PAN3: variants seen among roughly 807,000 people sequenced by gnomAD.
PAN3 encodes the protein poly(A) specific ribonuclease subunit PAN3, also known as PAN2-PAN3 deadenylation complex subunit PAN3.
In PAN3, 19 loss-of-function variants were observed where a neutral mutation model predicts 96.2. The ratio of observed to expected loss-of-function variants is 0.20; its 90% CI spans 0.14 to 0.29. The LOEUF (loss-of-function observed/expected upper bound fraction) is 0.29. PAN3 is among the 10% of genes least tolerant of loss of function. The pLI is 1.00. For missense variants in PAN3, 882 were observed against 1,108.1 expected (o/e 0.80, Z 2.90); for synonymous variants, 433 against 406.6 (o/e 1.06, Z -0.78).
At chr13:28,272,257 A>G (rs542754715) in intron 14 of PAN3, 186 bp downstream of exon 14, 6 of 391,476 alleles carry the variant, frequency 1.5e-5, no homozygotes, top group African/African-American at 9.3e-5. Context: ...TCCCCTCTCT[A>G]TTTCTTTCTC....
chr13:28,268,232 A>C (rs191502256), intron 12 of PAN3, among the ~76,000 whole-genome samples: 1 of 151,700 alleles, frequency 6.6e-6, no homozygotes, highest in Non-Finnish European at 1.5e-5. Context: ...TTTTGTTTTA[A>C]CCTTTTATAT....
chr13:28,194,953 A>G (rs1425557511), intron 4 of PAN3, among the ~76,000 whole-genome samples: 1 of 151,780 alleles, frequency 6.6e-6, no homozygotes, highest in Non-Finnish European at 1.5e-5. Context: ...CCATGGCATG[A>G]ATCACTAAGG....
intron 2 of PAN3, 42 bp from the exon 3 acceptor site, chr13:28,176,451 G>A: frequency 2.6e-6 from 4 of 1,552,216 alleles, no homozygotes; most frequent in Non-Finnish European, 3.6e-6. Flanking sequence ...TTTTATTTCT[G>A]TATTCCTCAG....
At chr13:28,281,498 T>A in intron 17 of PAN3, 119 bp downstream of exon 17, 1 of 917,360 alleles carries the variant, frequency 1.1e-6, no homozygotes, top group Non-Finnish European at 1.6e-6. Flanking sequence ...GAAGTGACCT[T>A]AAGATTGTGT....
intron 17 of PAN3, among the ~76,000 whole-genome samples, chr13:28,282,599 G>C (rs1036966979): frequency 6.6e-6 from 1 of 152,036 alleles, no homozygotes; most frequent in Admixed American, 6.5e-5. Flanking sequence ...GTGCACGCAC[G>C]TGCACACACA....
At chr13:28,221,094 T>G (rs1881356578) in intron 6 of PAN3, among the ~76,000 whole-genome samples, 1 of 152,146 alleles carries the variant, frequency 6.6e-6, no homozygotes, top group African/African-American at 2.4e-5. Flanking sequence ...TCTTAAGAAT[T>G]CATGCAGATT....
chr13:28,206,560 G>A (rs1024445944), intron 5 of PAN3, among the ~76,000 whole-genome samples: 16 of 152,038 alleles, frequency 1.1e-4, no homozygotes, highest in African/African-American at 3.6e-4. Context: ...GACCTCAGGT[G>A]ATCCAGCTGC....
At chr13:28,153,668 C>T (rs1314165219) in intron 1 of PAN3, among the ~76,000 whole-genome samples, 1 of 152,132 alleles carries the variant, frequency 6.6e-6, no homozygotes, top group African/African-American at 2.4e-5. Flanking sequence ...TTCCTCAAGT[C>T]TCTTATAATC....
chr13:28,256,903 T>C (rs1885195692), intron 7 of PAN3, among the ~76,000 whole-genome samples: 1 of 152,206 alleles, frequency 6.6e-6, no homozygotes, highest in Admixed American at 6.5e-5. Context: ...CTAGAAAAAG[T>C]AGATGGTATG....
intron 5 of PAN3, chr13:28,215,340 ATGG>A (rs1880605283): frequency 5.3e-6 from 4 of 749,640 alleles, no homozygotes; most frequent in Non-Finnish European, 1.0e-5. Context: ...CAAACCCGTT[ATGG>A]TGGTCACCTT....
At position 28,266,867 on chromosome 13, in the gene PAN3, A is replaced by T; in HGVS notation, c.1564A>T (p.Arg522Trp). The change falls in exon 10 of 19, where the codon AGG becomes TGG. Residue 522 changes from arginine to tryptophan, a missense_variant. Around this residue, in one of 3 missense-constraint regions of PAN3, gnomAD observed 364 missense variants for 513.6 expected, o/e 0.71. Coordinates refer to ENST00000380958, the MANE Select transcript of PAN3 (RefSeq NM_175854.8). ...SKDDLPYCLR[R>W]IHGFRLVNTK... is the part of the protein sequence containing the mutation. ...AGATGATCTGCCATATTGCCTTCGG[A>T]GGATACATGGTAAGGAAGATAAGTT... 6.3e-7 allele frequency: 1 copy of T among 1,598,504 alleles called. No homozygotes were observed. Among genetic ancestry groups the T allele is most frequent in the Non-Finnish European group, 8.5e-7 (1 of 1,173,370 alleles).
Position 28,294,604 on chromosome 13 carries a change from T to C in PAN3, c.*2082T>C, listed in dbSNP as rs1300194987. On this transcript the variant is annotated 3_prime_UTR_variant, in exon 19 of 19. Transcript: ENST00000380958. ...AAGCTAAAGAGGGCAGGGGTTAAAATAGGGCTTGAATTTCTCATTCTGTAT... is the reference window on the plus strand; with the variant it reads ...AAGCTAAAGAGGGCAGGGGTTAAAACAGGGCTTGAATTTCTCATTCTGTAT... 2.0e-5 allele frequency: 3 copies of C among 152,604 alleles called. No individual in the cohort carries two copies. Among genetic ancestry groups the C allele is most frequent in the Admixed American group, 1.3e-4 (2 of 15,280 alleles). 9.5% of individuals were successfully genotyped at this position (152,604 alleles called of 1,614,324 possible).
intron 5 of PAN3, among the ~76,000 whole-genome samples, chr13:28,200,224 A>G (rs1385772240): frequency 6.6e-6 from 1 of 152,226 alleles, no homozygotes. Flanking sequence ...ATGAGGATGC[A>G]TCCATAGTTG....
chr13:28,146,462 C>G (rs1160877460), intron 1 of PAN3, among the ~76,000 whole-genome samples: 1 of 151,908 alleles, frequency 6.6e-6, no homozygotes, highest in Non-Finnish European at 1.5e-5. Flanking sequence ...CTCAGACTTT[C>G]AGAGGTTGGA....
At chr13:28,264,499 G>C (rs146223030) in intron 9 of PAN3, among the ~76,000 whole-genome samples, 1 of 151,976 alleles carries the variant, frequency 6.6e-6, no homozygotes, top group Admixed American at 6.6e-5. Flanking sequence ...GTGCCATTGC[G>C]CTCCATCCTG....
intron 1 of PAN3, among the ~76,000 whole-genome samples, chr13:28,164,137 A>G (rs1236692989): frequency 2.0e-5 from 3 of 152,192 alleles, no homozygotes; most frequent in Non-Finnish European, 2.9e-5. Flanking sequence ...ACATGCTATT[A>G]AATTCACCTA....
intron 1 of PAN3, among the ~76,000 whole-genome samples, chr13:28,157,056 G>C (rs1227294951): frequency 6.8e-6 from 1 of 147,498 alleles, no homozygotes; most frequent in Non-Finnish European, 1.5e-5. Flanking sequence ...TTACCCCTGA[G>C]TTGCAAGACT....
At chr13:28,265,206 G>C (rs185004273) in intron 9 of PAN3, among the ~76,000 whole-genome samples, 1 of 152,204 alleles carries the variant, frequency 6.6e-6, no homozygotes, top group African/African-American at 2.4e-5. Context: ...TTTCACTTGT[G>C]TGTATTCTTC....
intron 17 of PAN3, among the ~76,000 whole-genome samples, 186 bp downstream of exon 17, chr13:28,281,565 TTACACACATGTA>T (rs1176653489): frequency 6.6e-6 from 1 of 152,160 alleles, no homozygotes; most frequent in Non-Finnish European, 1.5e-5. Context: ...CTTACGAATT[TTACACACATGTA>T]TACACACAGA....
Sources: gnomAD v4.1 joint callset for allele counts (sites outside exome capture counted in the v4.1 genomes callset) on GRCh38, gnomAD v4.1.1 for gene constraint, gnomAD v4.1.1 regional missense constraint, MANE v1.5 for transcripts, NCBI Gene and HGNC (gene_info 2026-07-23, HGNC 2026-07-21) for gene names.